The following CSMD1 variants were observed in gnomAD, a reference collection of about 807,000 sequenced individuals.
The protein encoded by CSMD1 is CUB and Sushi multiple domains 1.
A neutral mutation model predicts 417.5 loss-of-function variants in CSMD1; 213 were observed. The observed-to-expected ratio is 0.51, with a 90% CI of 0.46 to 0.57. The LOEUF is 0.57. Ranked by LOEUF, CSMD1 falls within the 20% of genes least tolerant of loss-of-function variation. The probability of loss-of-function intolerance (pLI) is 0.00; values close to 1 mark genes in which losing one functional copy is unlikely to be tolerated. For missense variants in CSMD1, 6,923 were observed against 4,529.7 expected, an observed-to-expected ratio of 1.53 and a Z score of -15.17; for synonymous variants, 2,862 against 1,736.8, an observed-to-expected ratio of 1.65 and a Z score of -16.11.
chr8:3,299,111 A>G (rs1401531603), intron 25 of CSMD1, among the ~76,000 whole-genome samples: 5 of 152,192 alleles, frequency 3.3e-5, no homozygotes. Context: ...AAAATTGTTA[A>G]AAGTCAAAAT....
At chr8:4,436,879 T>C (rs895409807) in intron 2 of CSMD1, among the ~76,000 whole-genome samples, 3 of 152,188 alleles carry the variant, frequency 2.0e-5, no homozygotes, top group East Asian at 1.9e-4. Flanking sequence ...GAGTACTCCA[T>C]TGTGTTTAAG....
At chr8:4,737,558 C>T (rs545714155) in intron 1 of CSMD1, among the ~76,000 whole-genome samples, 11 of 152,236 alleles carry the variant, frequency 7.2e-5, no homozygotes, top group South Asian at 4.1e-4. Context: ...CTTATAGACA[C>T]GGAAGTTATT....
intron 1 of CSMD1, among the ~76,000 whole-genome samples, chr8:4,663,402 G>A (rs1452623587): frequency 6.6e-6 from 1 of 152,150 alleles, no homozygotes; most frequent in Non-Finnish European, 1.5e-5. Flanking sequence ...CTAAGTGATT[G>A]GTTTGGGTCA....
chr8:3,212,408 G>C (rs576589570), intron 30 of CSMD1, among the ~76,000 whole-genome samples: 46 of 152,206 alleles, frequency 3.0e-4, no homozygotes, highest in Middle Eastern at 3.4e-3. Flanking sequence ...TAGTGCAGTG[G>C]AGCAATCTCG....
rs189524002 is a variant in CSMD1, at chr8:4,264,220, T to G, written c.415+155733A>C. Among the ~76,000 whole-genome samples the G allele has an allele frequency of 3.7e-3, 569 of 152,308 alleles. 6 individuals carry two copies. The highest frequency in any genetic ancestry group is 5.3e-3 in the Non-Finnish European group (361 of 68,030). ...GATTACCAACGTGACTACAATTAAT[T>G]ATTAGAATTTCCTCGTCTTAGGAAT... On this transcript the variant is annotated intron_variant, in intron 3 of 69. Coordinates refer to ENST00000635120, the MANE Select transcript of CSMD1 (RefSeq NM_033225.6).
intron 4 of CSMD1, among the ~76,000 whole-genome samples, chr8:4,029,779 C>G (rs182851408): frequency 1.3e-5 from 2 of 152,128 alleles, no homozygotes; most frequent in African/African-American, 4.8e-5. Context: ...TTATCTGAGA[C>G]AAAACAAGTA....
At chr8:3,702,947 G>A (rs9987397) in intron 7 of CSMD1, among the ~76,000 whole-genome samples, 5,333 of 152,296 alleles carry the variant, frequency 0.035, 324 homozygotes, top group African/African-American at 0.12. Flanking sequence ...GGGGATGGGT[G>A]CTTGCTCAGT....
At position 3,849,817 on chromosome 8, in the gene CSMD1, G is replaced by GTATGGT. The variant is rs1803768792; in HGVS notation, c.819-95776_819-95775insACCATA. 9.6e-5 allele frequency among the ~76,000 whole-genome samples: 11 copies of GTATGGT among 114,186 alleles called. No individual in the cohort carries two copies. In the South Asian group the frequency reaches 3.2e-3, roughly 34 times the overall value. The allele number at this position is 114,186 out of a possible 152,430, so 74.9% of individuals were successfully genotyped here. A position where few individuals can be genotyped will look rare whatever the true frequency, so the allele number is the denominator to read the frequency against. ...TGTGAGACAGAGTATATCTTTTTTT[G>GTATGGT]TTTGGTTTTTGTTTTTGTGATGGAG... On this transcript the variant is annotated intron_variant, in intron 5 of 69. Coordinates refer to ENST00000635120, the MANE Select transcript of CSMD1 (RefSeq NM_033225.6).
intron 10 of CSMD1, among the ~76,000 whole-genome samples, chr8:3,534,826 T>C (rs563322414): frequency 2.0e-5 from 3 of 152,246 alleles, no homozygotes; most frequent in Admixed American, 6.5e-5. Flanking sequence ...TTGGGTCACA[T>C]TTTGGGAAAC....
chr8:4,450,501 G>A (rs572037571), intron 2 of CSMD1, among the ~76,000 whole-genome samples: 1 of 152,174 alleles, frequency 6.6e-6, no homozygotes, highest in African/African-American at 2.4e-5. Flanking sequence ...TGCGTGTGGT[G>A]GTGCGGGCCT....
chr8:4,684,529 A>C (rs1256923263), intron 1 of CSMD1, among the ~76,000 whole-genome samples: 1 of 152,196 alleles, frequency 6.6e-6, no homozygotes, highest in Non-Finnish European at 1.5e-5. Context: ...CTGTTTTCAA[A>C]AAAACATAGA....
At chr8:3,895,358 C>T (rs1443059685) in intron 5 of CSMD1, among the ~76,000 whole-genome samples, 1 of 152,018 alleles carries the variant, frequency 6.6e-6, no homozygotes, top group Non-Finnish European at 1.5e-5. Context: ...CAATTTATAA[C>T]ACAAGGGAAA....
rs190310684 is a variant in CSMD1, at chr8:3,984,609, C to G, written c.818+13294G>C. ...TGGATTCTTCAAGTAAGAAAAAATA[C>G]AGCTAGGGGTTTCATTTGAACAAAA... On this transcript the variant is annotated intron_variant, in intron 5 of 69. Coordinates refer to ENST00000635120, the MANE Select transcript of CSMD1 (RefSeq NM_033225.6). Among the ~76,000 whole-genome samples the G allele has an allele frequency of 2.7e-5, 4 of 149,554 alleles. No homozygotes were observed. The East Asian group carries it at 7.9e-4, about 29-fold the overall frequency.
chr8:3,253,207 C>T (rs1156400321), intron 26 of CSMD1, among the ~76,000 whole-genome samples: 1 of 151,586 alleles, frequency 6.6e-6, no homozygotes, highest in Non-Finnish European at 1.5e-5. Flanking sequence ...TGTATGTGTC[C>T]CAGAGATTCT....
At chr8:3,813,386 G>C (rs1801192744) in intron 5 of CSMD1, among the ~76,000 whole-genome samples, 2 of 152,066 alleles carry the variant, frequency 1.3e-5, no homozygotes, top group Admixed American at 6.6e-5. Flanking sequence ...CAGTCTAGGA[G>C]ATTTAAGGAG....
chr8:4,421,822 A>T (rs59275115), intron 2 of CSMD1, among the ~76,000 whole-genome samples: 1 of 151,996 alleles, frequency 6.6e-6, no homozygotes, highest in Non-Finnish European at 1.5e-5. Context: ...AAAAAACAAG[A>T]AAAGTACAGA....
At chr8:4,806,408 GC>G (rs1303022224) in intron 1 of CSMD1, among the ~76,000 whole-genome samples, 4 of 152,066 alleles carry the variant, frequency 2.6e-5, no homozygotes, top group African/African-American at 4.8e-5. Context: ...AAAGTTCTTT[GC>G]CATAAAAGTC....
intron 41 of CSMD1, among the ~76,000 whole-genome samples, chr8:3,137,967 G>A (rs894396347): frequency 9.2e-5 from 14 of 152,318 alleles, no homozygotes; most frequent in African/African-American, 3.4e-4. Context: ...GCTCATGCCT[G>A]TAATCCCAGC....
intron 9 of CSMD1, among the ~76,000 whole-genome samples, chr8:3,579,874 C>T (rs751281741): frequency 7.2e-5 from 11 of 152,078 alleles, no homozygotes; most frequent in Non-Finnish European, 1.2e-4. Flanking sequence ...AAGGCTGAGG[C>T]GGGTGGATTA....
Sources: gnomAD v4.1 joint callset for allele counts (sites outside exome capture counted in the v4.1 genomes callset) on GRCh38, gnomAD v4.1.1 for gene constraint, MANE v1.5 for transcripts, NCBI Gene and HGNC (gene_info 2026-07-23, HGNC 2026-07-21) for gene names.